The following PTK2 variants were observed in gnomAD, a reference collection of about 807,000 sequenced individuals.
The protein encoded by PTK2 is focal adhesion kinase 1.
A neutral mutation model predicts 150.1 loss-of-function variants in PTK2; 45 were observed. The ratio of observed to expected loss-of-function variants is 0.30; its 90% CI spans 0.24 to 0.38. PTK2 has a LOEUF of 0.38. PTK2 is among the 10% of genes least tolerant of loss of function. PTK2 has a pLI of 1.00. For synonymous variants in PTK2, 432 were observed against 449.2 expected, an observed-to-expected ratio of 0.96 and a Z score of 0.48; for missense variants, 919 against 1,307.3, an observed-to-expected ratio of 0.70 and a Z score of 4.58.
intron 26 of PTK2, 101 bp from the exon 30 acceptor site, chr8:140,686,795 T>A: frequency 9.7e-7 from 1 of 1,027,452 alleles, no homozygotes; most frequent in Non-Finnish European, 1.5e-6. Context: ...AATTGTCCTC[T>A]GAATAAGAAG....
chr8:140,693,927 G>A (rs1442206276), intron 26 of PTK2, among the ~76,000 whole-genome samples: 1 of 152,174 alleles, frequency 6.6e-6, no homozygotes, highest in Non-Finnish European at 1.5e-5. Flanking sequence ...AGGGTGCACA[G>A]CTGACCTTAC....
chr8:140,867,852 A>G (rs925186808), intron 4 of PTK2, among the ~76,000 whole-genome samples: 1 of 152,190 alleles, frequency 6.6e-6, no homozygotes, highest in Admixed American at 6.5e-5. Flanking sequence ...GCAATGCCTG[A>G]CACCATGTTC....
intron 2 of PTK2, among the ~76,000 whole-genome samples, chr8:140,902,057 G>A (rs1305328695): frequency 6.7e-6 from 1 of 150,008 alleles, no homozygotes; most frequent in East Asian, 2.0e-4. Flanking sequence ...TTTTGGAGAT[G>A]GAGTCTTGCT....
chr8:140,785,662 A>G (rs1245420211), intron 14 of PTK2, among the ~76,000 whole-genome samples: 1 of 152,166 alleles, frequency 6.6e-6, no homozygotes, highest in Non-Finnish European at 1.5e-5. Flanking sequence ...TCATCAGTAC[A>G]GGGGAGCAAA....
At chr8:140,859,339 T>C (rs977644036) in intron 5 of PTK2, among the ~76,000 whole-genome samples, 1 of 152,214 alleles carries the variant, frequency 6.6e-6, no homozygotes, top group African/African-American at 2.4e-5. Context: ...TATCAGGATG[T>C]TCTTTTCATC....
At position 140,719,887 on chromosome 8, in the gene PTK2, C is replaced by CAA. The variant is rs71308987; in HGVS notation, c.2031-2180_2031-2179dup. 1.4e-3 allele frequency among the ~76,000 whole-genome samples: 129 copies of CAA among 90,850 alleles called. 3 individuals are homozygous for CAA. The highest frequency in any genetic ancestry group is 2.3e-3 in the African/African-American group (43 of 18,878). The allele number at this position is 90,850 out of a possible 152,430, so 59.6% of individuals were successfully genotyped here. A position where few individuals can be genotyped will look rare whatever the true frequency, so the allele number is the denominator to read the frequency against. The stretch of plus-strand genomic sequence containing the variant: ...GGTGACAGAGTGAGACTTGTCTCAC[C>CAA]AAAAAAAAAAAAAAAAAAAAAAAAA... On this transcript the variant is annotated intron_variant, in intron 22 of 31. Transcript: ENST00000522684.
rs1384066632 is a variant in PTK2 at position 140,674,206 on chromosome 8, A to G, written c.2709+92T>C. The G allele has an allele frequency of 3.9e-6, 5 of 1,272,784 alleles. No individual in the cohort carries two copies. The African/African-American group carries it at 4.4e-5, about 11-fold the overall frequency. 78.8% of individuals were successfully genotyped at this position (1,272,784 alleles called of 1,614,324 possible). ...CTGCACTGTTCTATTTTCAGCACCA[A>G]CTCCACTCTATGACATGAACACATC... On this transcript the variant is annotated intron_variant, in intron 29 of 31. Transcript: ENST00000522684.
chr8:140,816,185 ATAAATT>A (rs1263903189), intron 10 of PTK2, among the ~76,000 whole-genome samples: 1 of 152,216 alleles, frequency 6.6e-6, no homozygotes, highest in Non-Finnish European at 1.5e-5. Flanking sequence ...TGCTCACAAT[ATAAATT>A]TTAAATTGTA....
chr8:140,895,820 C>T (rs536866417), intron 2 of PTK2, among the ~76,000 whole-genome samples: 2 of 152,070 alleles, frequency 1.3e-5, no homozygotes, highest in African/African-American at 4.8e-5. Context: ...ATCAAAACGT[C>T]TCATGTACCC....
chr8:140,818,044 A>C (rs2100105781), intron 10 of PTK2, among the ~76,000 whole-genome samples: 1 of 152,198 alleles, frequency 6.6e-6, no homozygotes, highest in African/African-American at 2.4e-5. Flanking sequence ...TTCAGGTCTC[A>C]CTAACACATG....
At chr8:140,793,843 G>T (rs1221521049) in intron 12 of PTK2, among the ~76,000 whole-genome samples, 2 of 152,214 alleles carry the variant, frequency 1.3e-5, no homozygotes, top group Non-Finnish European at 2.9e-5. Flanking sequence ...ATGTATGAGA[G>T]AAGGCAAGTC....
chr8:140,692,794 T>C (rs1456568964), intron 26 of PTK2, among the ~76,000 whole-genome samples: 1 of 152,130 alleles, frequency 6.6e-6, no homozygotes, highest in Non-Finnish European at 1.5e-5. Flanking sequence ...AGGGAAAAAA[T>C]AGGAGAGCTG....
At chr8:140,928,679 C>T (rs2100170594) in intron 1 of PTK2, among the ~76,000 whole-genome samples, 1 of 152,080 alleles carries the variant, frequency 6.6e-6, no homozygotes, top group Non-Finnish European at 1.5e-5. Context: ...GTGAAATAAG[C>T]CAGTCACAAA....
chr8:141,000,432 G>A (rs944280058), intron 1 of PTK2, among the ~76,000 whole-genome samples: 2 of 152,142 alleles, frequency 1.3e-5, no homozygotes, highest in South Asian at 2.1e-4. Flanking sequence ...CCCGGGGGAC[G>A]GAGGTCGGGC....
chr8:140,777,120 A>T (rs1283956286), intron 14 of PTK2, among the ~76,000 whole-genome samples: 1 of 152,234 alleles, frequency 6.6e-6, no homozygotes, highest in Non-Finnish European at 1.5e-5. Context: ...TGCCAAACTT[A>T]ACCTGCCTTG....
chr8:140,758,172 G>T (rs1038954001), intron 16 of PTK2, among the ~76,000 whole-genome samples: 1 of 151,982 alleles, frequency 6.6e-6, no homozygotes, highest in Non-Finnish European at 1.5e-5. Flanking sequence ...ACTTATTGCA[G>T]CCTTGACCTC....
In PTK2 at chr8:140,668,560, T is replaced by C. The variant is rs970455256; in HGVS notation, c.2710-136A>G. 11 of 980,404 alleles carry C rather than the reference T, an allele frequency of 1.1e-5. No individual in the cohort carries two copies. In the South Asian group the frequency reaches 1.4e-4, roughly 13 times the overall value. 60.7% of individuals were successfully genotyped at this position (980,404 alleles called of 1,614,324 possible). On this transcript the variant is annotated intron_variant, in intron 29 of 31. Transcript: ENST00000522684. ...CATTGATTTTCTTGTGTGTGCGGGA[T>C]ATAGTTCAGATTGAGAATGACAGTA...
At chr8:140,883,195 T>C (rs891092537) in intron 3 of PTK2, among the ~76,000 whole-genome samples, 3 of 152,196 alleles carry the variant, frequency 2.0e-5, no homozygotes, top group Non-Finnish European at 2.9e-5. Context: ...CATAAACTGT[T>C]CATTCATTTA....
At chr8:140,961,270 C>T (rs990417380) in intron 1 of PTK2, among the ~76,000 whole-genome samples, 6 of 152,232 alleles carry the variant, frequency 3.9e-5, no homozygotes, top group African/African-American at 1.4e-4. Flanking sequence ...ATTACATTTG[C>T]TATTTCCAAG....
Sources: allele counts gnomAD v4.1 joint callset (sites outside exome capture counted in the v4.1 genomes callset), GRCh38; gene constraint gnomAD v4.1.1; transcripts MANE v1.5; gene names NCBI Gene and HGNC (gene_info 2026-07-23, HGNC 2026-07-21).